HS3ST5: variants seen among roughly 807,000 people sequenced by gnomAD.
HS3ST5 encodes the protein heparan sulfate-glucosamine 3-sulfotransferase 5.
A neutral mutation model predicts 25.4 loss-of-function variants in HS3ST5; 10 were observed. The ratio of observed to expected loss-of-function variants is 0.39; its 90% CI spans 0.24 to 0.67. The LOEUF is 0.67. Among genes scored for constraint, HS3ST5 ranks in the 30% least tolerant of loss-of-function variants. The probability of loss-of-function intolerance (pLI) is 0.44; values close to 1 mark genes in which losing one functional copy is unlikely to be tolerated. For missense variants in HS3ST5, 324 were observed against 420.7 expected (o/e 0.77, Z 2.01); for synonymous variants, 170 against 162.4 (o/e 1.05, Z -0.36).
At chr6:114,132,266 T>C (rs185895123) in intron 3 of HS3ST5, 194 of 152,384 alleles carry the variant, frequency 1.3e-3, no homozygotes, top group African/African-American at 4.4e-3. Context: ...CTTCATTTTA[T>C]TGCTTGTTCC....
chr6:114,339,322 G>T (rs1026607363), intron 1 of HS3ST5, among the ~76,000 whole-genome samples: 1 of 152,016 alleles, frequency 6.6e-6, no homozygotes, highest in Non-Finnish European at 1.5e-5. Context: ...CATGAAATGA[G>T]GGTGCCTACA....
chr6:114,235,294 G>A (rs531505977), intron 1 of HS3ST5, among the ~76,000 whole-genome samples: 3 of 151,900 alleles, frequency 2.0e-5, no homozygotes, highest in African/African-American at 7.3e-5. Context: ...CGCTATGATA[G>A]CTCCTATTAA....
intron 3 of HS3ST5, among the ~76,000 whole-genome samples, chr6:114,070,343 G>T (rs946344740): frequency 6.6e-6 from 1 of 151,646 alleles, no homozygotes; most frequent in Admixed American, 6.6e-5. Flanking sequence ...CCATTTAGGT[G>T]GTTTGAACCT....
intron 1 of HS3ST5, among the ~76,000 whole-genome samples, chr6:114,331,559 A>G (rs1232106939): frequency 6.6e-6 from 1 of 152,158 alleles, no homozygotes; most frequent in Non-Finnish European, 1.5e-5. Flanking sequence ...AAATATGTCA[A>G]TGTCTTTAGA....
intron 3 of HS3ST5, among the ~76,000 whole-genome samples, chr6:114,165,228 T>C (rs1292904873): frequency 1.3e-5 from 2 of 152,192 alleles, no homozygotes; most frequent in Non-Finnish European, 2.9e-5. Flanking sequence ...GTTTAGTGAT[T>C]ATGGCCATTA....
rs1779316070 is a variant in HS3ST5 at position 114,168,386 on chromosome 6, A to G, written c.-68T>C. The G allele has an allele frequency of 6.6e-6, 1 of 152,122 alleles. No individual in the cohort carries two copies. Among genetic ancestry groups the G allele is most frequent in the African/African-American group, 2.4e-5 (1 of 41,414 alleles). The allele number at this position is 152,122 out of a possible 1,614,324, so 9.4% of individuals were successfully genotyped here. A position where few individuals can be genotyped will look rare whatever the true frequency, so the allele number is the denominator to read the frequency against. On this transcript the variant is annotated 5_prime_UTR_variant, in exon 3 of 5. Coordinates refer to ENST00000312719, the MANE Select transcript of HS3ST5 (RefSeq NM_153612.4). Reference sequence around the variant, plus strand: ...ACAGGTCCCTATTATTCCAGCGATGATTATCTTGTTGGCGGGTATTCCATG... The same window carrying G: ...ACAGGTCCCTATTATTCCAGCGATGGTTATCTTGTTGGCGGGTATTCCATG...
chr6:114,338,268 A>G (rs908485800), intron 1 of HS3ST5, among the ~76,000 whole-genome samples: 1 of 140,794 alleles, frequency 7.1e-6, no homozygotes, highest in African/African-American at 2.5e-5. Context: ...ACATAAATAT[A>G]TACTATTTAC....
intron 1 of HS3ST5, among the ~76,000 whole-genome samples, chr6:114,238,059 T>A (rs1038502401): frequency 2.6e-5 from 4 of 152,170 alleles, no homozygotes; most frequent in African/African-American, 9.6e-5. Flanking sequence ...AAAAAGATAA[T>A]CATGATAGTG....
chr6:114,129,673 G>C (rs1023438222), intron 3 of HS3ST5, among the ~76,000 whole-genome samples: 1 of 152,200 alleles, frequency 6.6e-6, no homozygotes, highest in Non-Finnish European at 1.5e-5. Flanking sequence ...GGAGAGAAGA[G>C]AGAAAGGAAG....
intron 2 of HS3ST5, among the ~76,000 whole-genome samples, chr6:114,218,117 C>A (rs912120559): frequency 6.6e-6 from 1 of 152,096 alleles, no homozygotes; most frequent in Non-Finnish European, 1.5e-5. Context: ...CCTGCCTCAG[C>A]CTCCTGAGTA....
At chr6:114,310,243 T>C (rs967019158) in intron 1 of HS3ST5, among the ~76,000 whole-genome samples, 9 of 152,224 alleles carry the variant, frequency 5.9e-5, no homozygotes, top group Non-Finnish European at 1.0e-4. Context: ...GCTCAGTACA[T>C]TTATTGCACA....
chr6:114,105,899 A>C (rs560722363), intron 3 of HS3ST5, among the ~76,000 whole-genome samples: 1 of 152,142 alleles, frequency 6.6e-6, no homozygotes, highest in Non-Finnish European at 1.5e-5. Flanking sequence ...ATATGATACA[A>C]GTTTATGAAA....
intron 2 of HS3ST5, among the ~76,000 whole-genome samples, chr6:114,217,085 C>T (rs1781805637): frequency 1.3e-5 from 2 of 152,302 alleles, no homozygotes; most frequent in South Asian, 4.2e-4. Flanking sequence ...TCTAACTGGC[C>T]ACATTCTCCA....
chr6:114,264,675 A>G (rs1773327236), intron 1 of HS3ST5, among the ~76,000 whole-genome samples: 1 of 152,054 alleles, frequency 6.6e-6, no homozygotes, highest in Non-Finnish European at 1.5e-5. Context: ...GGATGTGCCT[A>G]TCAGATGTTC....
chr6:114,266,343 T>C (rs1369082550), intron 1 of HS3ST5, among the ~76,000 whole-genome samples: 1 of 152,186 alleles, frequency 6.6e-6, no homozygotes, highest in African/African-American at 2.4e-5. Flanking sequence ...GAGATAAGGT[T>C]AACAAATTAG....
At chr6:114,132,425 C>T (rs1163661210) in intron 3 of HS3ST5, 1 of 152,222 alleles carries the variant, frequency 6.6e-6, no homozygotes, top group Non-Finnish European at 1.5e-5. Flanking sequence ...AAAGCTCACC[C>T]TCTTGTTTGC....
chr6:114,100,790 C>T (rs970984619), intron 3 of HS3ST5, among the ~76,000 whole-genome samples: 2 of 152,186 alleles, frequency 1.3e-5, no homozygotes, highest in African/African-American at 4.8e-5. Flanking sequence ...AGTTCCAAAA[C>T]ATACACAGTA....
chr6:114,282,320 T>C (rs1774150022), intron 1 of HS3ST5, among the ~76,000 whole-genome samples: 1 of 152,018 alleles, frequency 6.6e-6, no homozygotes, highest in Non-Finnish European at 1.5e-5. Flanking sequence ...CAGTCTGAGT[T>C]GAATCCTGCA....
chr6:114,286,196 T>A (rs1774333008), intron 1 of HS3ST5, among the ~76,000 whole-genome samples: 1 of 151,904 alleles, frequency 6.6e-6, no homozygotes, highest in African/African-American at 2.4e-5. Context: ...ATGGTCAAAT[T>A]CATATACTCT....
Sources: allele counts gnomAD v4.1 joint callset (sites outside exome capture counted in the v4.1 genomes callset), GRCh38; gene constraint gnomAD v4.1.1; transcripts MANE v1.5; gene names NCBI Gene and HGNC (gene_info 2026-07-23, HGNC 2026-07-21).